The following UCK2 variants were observed in gnomAD, a reference collection of about 807,000 sequenced individuals.
UCK2 encodes uridine-cytidine kinase 2.
UCK2 carries 6 observed loss-of-function variants against 30.8 expected under a neutral mutation model. The observed-to-expected ratio is 0.19, with a 90% CI of 0.11 to 0.38. The LOEUF is 0.38. UCK2 is among the 10% of genes least tolerant of loss of function. The pLI, the probability that UCK2 is intolerant of heterozygous loss-of-function variation, is 1.00. For missense variants in UCK2, 210 were observed against 339.8 expected (o/e 0.62, Z 3.00); for synonymous variants, 125 against 133.6 (o/e 0.94, Z 0.45).
In UCK2 at chr1:165,890,212, G is replaced by C. The variant is rs1557846702; in HGVS notation, c.108G>C (p.Val36=). The C allele has an allele frequency of 6.2e-7, 1 of 1,614,066 alleles. No individual in the cohort carries two copies. Among genetic ancestry groups the C allele is most frequent in the East Asian group, 2.2e-5 (1 of 44,870 alleles). The change falls in exon 2 of 7, where the codon GTG becomes GTC. Residue 36 remains valine (V), a synonymous_variant. Transcript: ENST00000367879. The part of the protein sequence containing the change: ...SGGTASGKSS[V]CAKIVQLLGQ... ...CTCTTCTCTCCTCACAGTCTTCCGTGTGTGCTAAGATCGTGCAGCTCCTGG... is the reference window on the plus strand; with the variant it reads ...CTCTTCTCTCCTCACAGTCTTCCGTCTGTGCTAAGATCGTGCAGCTCCTGG...
At chr1:165,852,600 C>G (rs1001884131) in intron 1 of UCK2, among the ~76,000 whole-genome samples, 3 of 152,284 alleles carry the variant, frequency 2.0e-5, no homozygotes. Context: ...AATGGGAATG[C>G]TTATACACTG....
chr1:165,892,573 G>C (rs1010710201), intron 3 of UCK2: 1 of 152,258 alleles, frequency 6.6e-6, no homozygotes. Flanking sequence ...TCTTGTTGGC[G>C]TAGTAACCTG....
chr1:165,858,676 A>AG (rs1358590501), intron 1 of UCK2, among the ~76,000 whole-genome samples: 6 of 152,042 alleles, frequency 3.9e-5, no homozygotes, highest in Non-Finnish European at 8.8e-5. Context: ...AGCCCAGGAG[A>AG]GGCCCCATGG....
rs1306615346 is a variant in UCK2, at chr1:165,880,562, TGGGGGTGTGTGTGTGTGTGTG to T, written c.100-9641_100-9621del. 5.9e-4 allele frequency among the ~76,000 whole-genome samples: 68 copies of T among 115,756 alleles called. 1 individual carries two copies. The highest frequency in any genetic ancestry group is 1.3e-3 in the South Asian group (4 of 3,062). The allele number at this position is 115,756 out of a possible 152,430, so 75.9% of individuals were successfully genotyped here. On this transcript the variant is annotated intron_variant, in intron 1 of 6. Coordinates refer to ENST00000367879, the MANE Select transcript of UCK2 (RefSeq NM_012474.5). The stretch of plus-strand genomic sequence containing the variant: ...AAGCCTAGATCCATTCAGTTTTTTT[TGGGGGTGTGTGTGTGTGTGTG>T]TGTGTGTGTGTGTGTGTGTGTGTGT...
intron 1 of UCK2, among the ~76,000 whole-genome samples, chr1:165,868,222 G>C (rs1267510936): frequency 6.6e-6 from 1 of 152,168 alleles, no homozygotes; most frequent in Non-Finnish European, 1.5e-5. Flanking sequence ...TGGCTTTGTT[G>C]TTCCATTTAC....
intron 1 of UCK2, among the ~76,000 whole-genome samples, chr1:165,865,217 G>A (rs539657607): frequency 5.4e-4 from 82 of 152,226 alleles, no homozygotes; most frequent in African/African-American, 1.9e-3. Flanking sequence ...TTAATTTTTT[G>A]TTGTTCTTTA....
chr1:165,890,060 C>T (rs1655726697), intron 1 of UCK2, 144 bp from the exon 2 acceptor site: 2 of 824,162 alleles, frequency 2.4e-6, no homozygotes, highest in African/African-American at 1.7e-5. Flanking sequence ...CCCTTTAACT[C>T]ATCATGCACG....
intron 1 of UCK2, among the ~76,000 whole-genome samples, chr1:165,854,506 C>G (rs774150671): frequency 3.3e-5 from 5 of 152,042 alleles, no homozygotes; most frequent in African/African-American, 7.3e-5. Context: ...CCAGCCTGAC[C>G]AGTGTAGTAG....
intron 4 of UCK2, among the ~76,000 whole-genome samples, chr1:165,899,170 T>C (rs146979698): frequency 5.6e-4 from 86 of 152,290 alleles, no homozygotes; most frequent in Non-Finnish European, 7.4e-5. Context: ...TTGACCCTCA[T>C]GTGGGAGAGA....
At chr1:165,864,827 G>A (rs903059405) in intron 1 of UCK2, among the ~76,000 whole-genome samples, 5 of 151,778 alleles carry the variant, frequency 3.3e-5, no homozygotes, top group African/African-American at 1.2e-4. Context: ...CTACAGGGGT[G>A]AGCCACCATG....
At chr1:165,828,079 G>GC (rs1653938506) in intron 1 of UCK2, 147 bp downstream of exon 1, 1 of 363,918 alleles carries the variant, frequency 2.7e-6, no homozygotes, top group Non-Finnish European at 3.9e-6. Context: ...CGCCGAGTGC[G>GC]CCCCGCGCGG....
chr1:165,869,398 T>C (rs896872071), intron 1 of UCK2, among the ~76,000 whole-genome samples: 1 of 152,108 alleles, frequency 6.6e-6, no homozygotes, highest in Non-Finnish European at 1.5e-5. Flanking sequence ...AGTATGCCTG[T>C]ATCTACTTGA....
At chr1:165,887,451 G>A (rs986438088) in intron 1 of UCK2, among the ~76,000 whole-genome samples, 1 of 152,156 alleles carries the variant, frequency 6.6e-6, no homozygotes, top group Non-Finnish European at 1.5e-5. Context: ...ATTAGGTAGT[G>A]TAACTTTTTA....
intron 1 of UCK2, among the ~76,000 whole-genome samples, chr1:165,841,573 G>A (rs1443837677): frequency 1.3e-5 from 2 of 152,126 alleles, no homozygotes; most frequent in Admixed American, 1.3e-4. Flanking sequence ...CCATGTCTTC[G>A]TTCATTCAGC....
chr1:165,848,873 T>C (rs1424943511), intron 1 of UCK2, among the ~76,000 whole-genome samples: 1 of 152,096 alleles, frequency 6.6e-6, no homozygotes, highest in Middle Eastern at 3.2e-3. Flanking sequence ...TGGTGGGTCA[T>C]AGGAAAGCAC....
chr1:165,827,957 T>A (rs1193465598), intron 1 of UCK2, 25 bp downstream of exon 1: 4 of 1,311,394 alleles, frequency 3.1e-6, no homozygotes, highest in Non-Finnish European at 3.9e-6. Context: ...GGAGCCGCGC[T>A]CCCTTCCCGG....
At chr1:165,878,259 A>C (rs948659333) in intron 1 of UCK2, among the ~76,000 whole-genome samples, 11 of 151,640 alleles carry the variant, frequency 7.3e-5, no homozygotes, top group African/African-American at 2.7e-4. Context: ...TTTTCAGATT[A>C]GCTTCTTTCA....
chr1:165,871,743 TTTGG>T (rs1459370449), intron 1 of UCK2, among the ~76,000 whole-genome samples: 1 of 152,126 alleles, frequency 6.6e-6, no homozygotes, highest in African/African-American at 2.4e-5. Context: ...AAAAAAAATC[TTTGG>T]TTGAGGAAAT....
At chr1:165,876,388 A>G (rs1655337831) in intron 1 of UCK2, among the ~76,000 whole-genome samples, 1 of 152,236 alleles carries the variant, frequency 6.6e-6, no homozygotes, top group Non-Finnish European at 1.5e-5. Context: ...ATGATAAATT[A>G]TTAACCAGGA....
Sources: allele counts gnomAD v4.1 joint callset (sites outside exome capture counted in the v4.1 genomes callset), GRCh38; gene constraint gnomAD v4.1.1; transcripts MANE v1.5; gene names NCBI Gene and HGNC (gene_info 2026-07-23, HGNC 2026-07-21).